Variants in RBFOX3 observed in about 807,000 individuals in gnomAD.
The protein encoded by RBFOX3 is RNA binding protein fox-1 homolog 3.
Under a neutral mutation model 48.7 loss-of-function variants are expected in RBFOX3, and 17 were observed. The observed-to-expected ratio is 0.35, with a 90% confidence interval of 0.24 to 0.52. The LOEUF (loss-of-function observed/expected upper bound fraction) is 0.52, where lower values mean the gene tolerates loss of function less well. RBFOX3 is among the 20% of genes least tolerant of loss of function. The pLI is 0.94. For synonymous variants in RBFOX3, 212 were observed against 209.5 expected, an observed-to-expected ratio of 1.01 and a Z score of -0.10; for missense variants, 382 against 497.5, an observed-to-expected ratio of 0.77 and a Z score of 2.21.
chr17:79,267,714 G>A (rs1476583964), intron 3 of RBFOX3, among the ~76,000 whole-genome samples: 1 of 152,166 alleles, frequency 6.6e-6, no homozygotes, highest in Non-Finnish European at 1.5e-5. Flanking sequence ...TATGGAGGAA[G>A]ATGCCAGAGC....
intron 3 of RBFOX3, among the ~76,000 whole-genome samples, chr17:79,305,705 G>A (rs905916823): frequency 6.6e-6 from 1 of 152,246 alleles, no homozygotes; most frequent in Non-Finnish European, 1.5e-5. Context: ...GCTCTGAGCT[G>A]AACAAACTCC....
intron 2 of RBFOX3, among the ~76,000 whole-genome samples, chr17:79,353,537 A>G (rs2084361526): frequency 6.6e-6 from 1 of 152,228 alleles, no homozygotes; most frequent in South Asian, 2.1e-4. Context: ...CCACTATATA[A>G]GAAGCAATAC....
intron 5 of RBFOX3, among the ~76,000 whole-genome samples, chr17:79,112,857 AG>A (rs922789544): frequency 1.7e-5 from 2 of 115,526 alleles, no homozygotes; most frequent in Admixed American, 1.3e-4. Context: ...GGGAGCGTCC[AG>A]GGGGTTGTGT....
intron 4 of RBFOX3, among the ~76,000 whole-genome samples, chr17:79,161,264 G>A (rs957848690): frequency 1.3e-5 from 2 of 152,130 alleles, no homozygotes; most frequent in Non-Finnish European, 2.9e-5. Context: ...GGGCCGGCAC[G>A]AGTCAAGTCG....
At chr17:79,167,333 C>CCTCTGGGGTCTCTATCAGG (rs1395808679) in intron 4 of RBFOX3, among the ~76,000 whole-genome samples, 4 of 152,000 alleles carry the variant, frequency 2.6e-5, no homozygotes, top group African/African-American at 9.7e-5. Context: ...TCTTCCCCTC[C>CCTCTGGGGTCTCTATCAGG]CTCTGGGGTC....
At chr17:79,293,566 C>T (rs1193178968) in intron 3 of RBFOX3, among the ~76,000 whole-genome samples, 1 of 152,000 alleles carries the variant, frequency 6.6e-6, no homozygotes, top group Non-Finnish European at 1.5e-5. Flanking sequence ...GATTCTCCTG[C>T]CTCAGCCTCC....
At chr17:79,261,052 G>A (rs548560259) in intron 3 of RBFOX3, among the ~76,000 whole-genome samples, 4 of 151,998 alleles carry the variant, frequency 2.6e-5, no homozygotes, top group South Asian at 2.1e-4. Context: ...GCTTGCCTTC[G>A]ATCTTTGCCC....
chr17:79,098,964 G>C (rs2146371624), intron 9 of RBFOX3: 1 of 152,502 alleles, frequency 6.6e-6, no homozygotes, highest in Non-Finnish European at 1.5e-5. Flanking sequence ...GCAGACTGGA[G>C]GCAGTGAGGA....
At position 79,471,469 on chromosome 17, in the gene RBFOX3, T is replaced by G. The variant is rs1437878037; in HGVS notation, c.-175+10985A>C. ...TCTGGCTCACAGACAAGAGACAATA[T>G]TCAAACGCCACCTCTGGTCACCCCT... On this transcript the variant is annotated intron_variant, in intron 2 of 14. Transcript: ENST00000693108. The surrounding 1 kb of genome is among the most constrained non-coding windows in gnomAD (Gnocchi z 4.0). Among the ~76,000 whole-genome samples the G allele has an allele frequency of 2.0e-5, 3 of 152,180 alleles. No homozygotes were observed. Among genetic ancestry groups the G allele is most frequent in the African/African-American group, 4.8e-5 (2 of 41,440 alleles).
chr17:79,555,646 G>A lies in RBFOX3; in HGVS notation c.-320+55180C>T, dbSNP rs1356064046. 9.8e-3 allele frequency among the ~76,000 whole-genome samples: 6 copies of A among 610 alleles called. No homozygotes were observed. The South Asian group carries it at 0.21, about 21-fold the overall frequency. 0.4% of individuals were successfully genotyped at this position (610 alleles called of 152,430 possible). A position where few individuals can be genotyped will look rare whatever the true frequency, so the allele number is the denominator to read the frequency against. Reference sequence around the variant, plus strand: ...GGTAATGGTGATTATGTCAGTGATGGTGGTGGTGGTGGTGGTGATGGTGAT... The same window carrying A: ...GGTAATGGTGATTATGTCAGTGATGATGGTGGTGGTGGTGGTGATGGTGAT... On this transcript the variant is annotated intron_variant, in intron 1 of 14. Coordinates refer to ENST00000693108, the MANE Select transcript of RBFOX3 (RefSeq NM_001350451.2).
chr17:79,525,743 G>T (rs1599042585), intron 1 of RBFOX3, among the ~76,000 whole-genome samples: 1 of 152,314 alleles, frequency 6.6e-6, no homozygotes, highest in African/African-American at 2.4e-5. Context: ...GTAGAGGAAA[G>T]TTGTTTCCTT....
chr17:79,661,989 A>G, the RBFOX3 span, among the ~76,000 whole-genome samples: 1 of 151,994 alleles, frequency 6.6e-6, no homozygotes. Flanking sequence ...TCTTATTCTT[A>G]ATATAATCTG....
intron 4 of RBFOX3, among the ~76,000 whole-genome samples, chr17:79,207,861 C>A (rs370678473): frequency 6.6e-6 from 1 of 152,228 alleles, no homozygotes. Context: ...AGCTCTTTTG[C>A]GGCCAGCCAG....
chr17:79,549,290 A>G (rs1339479434), intron 1 of RBFOX3, among the ~76,000 whole-genome samples: 1 of 152,208 alleles, frequency 6.6e-6, no homozygotes, highest in Admixed American at 6.5e-5. Context: ...AGGAGCCTAC[A>G]GCAGAGAAGC....
intron 1 of RBFOX3, among the ~76,000 whole-genome samples, chr17:79,534,229 C>T (rs1555788155): frequency 6.6e-6 from 1 of 152,212 alleles, no homozygotes; most frequent in Non-Finnish European, 1.5e-5. Flanking sequence ...AGACAGGAGA[C>T]CTCATCACCC....
At chr17:79,433,720 C>T (rs1009191531) in intron 2 of RBFOX3, among the ~76,000 whole-genome samples, 1 of 152,122 alleles carries the variant, frequency 6.6e-6, no homozygotes, top group South Asian at 2.1e-4. Context: ...ACCTGCAGAC[C>T]CCACGAGCAA....
chr17:79,150,035 T>TGGGGGG (rs1287799901), intron 4 of RBFOX3, among the ~76,000 whole-genome samples: 1 of 7,920 alleles, frequency 1.3e-4, no homozygotes. Flanking sequence ...GGGTGGGGGG[T>TGGGGGG]GGGGGTGGGG....
the RBFOX3 span, among the ~76,000 whole-genome samples, chr17:79,626,767 T>C: frequency 6.6e-6 from 1 of 152,200 alleles, no homozygotes; most frequent in Non-Finnish European, 1.5e-5. Context: ...GGGCCAAGCA[T>C]GTGGGCCGAC....
intron 4 of RBFOX3, among the ~76,000 whole-genome samples, chr17:79,174,518 G>C (rs8072667): frequency 0.74 from 111,861 of 151,688 alleles, 42,157 homozygotes; most frequent in African/African-American, 0.91. Flanking sequence ...CACTCTCACC[G>C]ACTCACAGAC....
Sources: allele counts gnomAD v4.1 joint callset (sites outside exome capture counted in the v4.1 genomes callset), GRCh38; gene constraint gnomAD v4.1.1; non-coding constraint Gnocchi (gnomAD v3.1); transcripts MANE v1.5; gene names NCBI Gene and HGNC (gene_info 2026-07-23, HGNC 2026-07-21).